The following TMEM135 variants were observed in gnomAD, a reference collection of about 807,000 sequenced individuals.
The protein encoded by TMEM135 is peroxisomal membrane protein 52.
In TMEM135, 30 loss-of-function variants were observed where a neutral mutation model predicts 60.3. That is an observed-to-expected ratio of 0.50 (90% CI 0.37 to 0.68). TMEM135 has a LOEUF of 0.68. Among genes scored for constraint, TMEM135 ranks in the 30% least tolerant of loss-of-function variants. TMEM135 has a pLI of 0.00. For missense variants in TMEM135, 468 were observed against 548.8 expected, an observed-to-expected ratio of 0.85 and a Z score of 1.47; for synonymous variants, 190 against 186.7, an observed-to-expected ratio of 1.02 and a Z score of -0.14.
intron 6 of TMEM135, among the ~76,000 whole-genome samples, chr11:87,263,533 C>T (rs780593165): frequency 1.3e-5 from 2 of 152,056 alleles, no homozygotes; most frequent in African/African-American, 2.4e-5. Context: ...TTGATTCTTA[C>T]GTATTAAAAG....
Position 87,266,776 on chromosome 11 carries a change from G to C in TMEM135, c.510-29006G>C, listed in dbSNP as rs181065278. Among the ~76,000 whole-genome samples the C allele has an allele frequency of 1.2e-4, 18 of 152,286 alleles. No homozygotes were observed. In the East Asian group the frequency reaches 3.5e-3, roughly 29 times the overall value. ...TGAAAGAAAGGATAGAGGGTCAAAG[G>C]CCTGAAGAGAATTTATGTGGTTTGA... On this transcript the variant is annotated intron_variant, in intron 6 of 14. Transcript: ENST00000305494.
chr11:87,194,781 A>G (rs1196357394), intron 5 of TMEM135, among the ~76,000 whole-genome samples: 1 of 152,130 alleles, frequency 6.6e-6, no homozygotes, highest in Non-Finnish European at 1.5e-5. Flanking sequence ...AACTAAATCC[A>G]GTGTACTTAG....
chr11:87,319,817 C>T (rs1012945569), intron 14 of TMEM135, among the ~76,000 whole-genome samples: 2 of 152,102 alleles, frequency 1.3e-5, no homozygotes, highest in African/African-American at 2.4e-5. Flanking sequence ...GTTTTCTCCC[C>T]TGATCTTAAT....
intron 5 of TMEM135, among the ~76,000 whole-genome samples, chr11:87,185,866 T>C (rs1028250061): frequency 6.6e-6 from 1 of 152,146 alleles, no homozygotes; most frequent in Non-Finnish European, 1.5e-5. Flanking sequence ...TAGGAAATCA[T>C]AGATTTAAAC....
At chr11:87,256,970 A>G (rs1299018278) in intron 6 of TMEM135, among the ~76,000 whole-genome samples, 1 of 152,016 alleles carries the variant, frequency 6.6e-6, no homozygotes, top group Admixed American at 6.6e-5. Context: ...CAGCTTCTCA[A>G]ATGAGATTAT....
intron 8 of TMEM135, among the ~76,000 whole-genome samples, chr11:87,304,966 G>A (rs540718099): frequency 1.3e-5 from 2 of 152,292 alleles, no homozygotes; most frequent in South Asian, 4.1e-4. Flanking sequence ...AGTGCATCCT[G>A]AACAGTAGTC....
Position 87,325,453 on chromosome 11 carries a change from G to T in TMEM135, c.*4120G>T. 1 of 453,934 alleles carries T rather than the reference G, an allele frequency of 2.2e-6. No homozygotes were observed. The highest frequency in any genetic ancestry group is 4.4e-6 in the Non-Finnish European group (1 of 226,746). 28.1% of individuals were successfully genotyped at this position (453,934 alleles called of 1,614,324 possible). A position where few individuals can be genotyped will look rare whatever the true frequency, so the allele number is the denominator to read the frequency against. On this transcript the variant is annotated 3_prime_UTR_variant, in exon 15 of 15. Transcript: ENST00000305494. ...GGTTGGAGGAAAGAATTTATATCTGGTCTTTTGGAAATTATTCTGTTGCTG... is the reference window on the plus strand; with the variant it reads ...GGTTGGAGGAAAGAATTTATATCTGTTCTTTTGGAAATTATTCTGTTGCTG...
chr11:87,180,237 C>T (rs1431735065), intron 5 of TMEM135, among the ~76,000 whole-genome samples: 1 of 152,122 alleles, frequency 6.6e-6, no homozygotes, highest in African/African-American at 2.4e-5. Context: ...GCAATGGCAA[C>T]TATGCAGGCA....
At chr11:87,168,712 G>T (rs746297326) in intron 5 of TMEM135, among the ~76,000 whole-genome samples, 1 of 152,096 alleles carries the variant, frequency 6.6e-6, no homozygotes, top group Non-Finnish European at 1.5e-5. Flanking sequence ...GCTGAGGAGT[G>T]TTTTACTTCT....
chr11:87,085,649 C>T (rs555927251), intron 3 of TMEM135, among the ~76,000 whole-genome samples: 121 of 152,086 alleles, frequency 8.0e-4, no homozygotes, highest in South Asian at 2.5e-3. Context: ...GCTGGCTACT[C>T]GGGAGGCTGG....
intron 5 of TMEM135, among the ~76,000 whole-genome samples, chr11:87,191,982 C>CTTTTTTTTTTTTTTT (rs767550753): frequency 1.8e-4 from 17 of 93,986 alleles, no homozygotes; most frequent in Non-Finnish European, 2.2e-4. Context: ...CTTTTCTTTT[C>CTTTTTTTTTTTTTTT]TTTTCTTTTT....
At chr11:87,193,462 A>G (rs1280431861) in intron 5 of TMEM135, among the ~76,000 whole-genome samples, 4 of 151,842 alleles carry the variant, frequency 2.6e-5, no homozygotes, top group South Asian at 2.1e-4. Context: ...TTTCCCATTT[A>G]TTTTTCCCAA....
chr11:87,210,200 C>T (rs1335650857), intron 5 of TMEM135, among the ~76,000 whole-genome samples: 3 of 151,994 alleles, frequency 2.0e-5, no homozygotes, highest in African/African-American at 7.2e-5. Flanking sequence ...TTGTGAAAAT[C>T]CATACAAAAG....
In TMEM135 at chr11:87,309,519, G is replaced by A; in HGVS notation, c.783G>A (p.Met261Ile). 1.2e-6 allele frequency: 2 copies of A among 1,613,710 alleles called. No homozygotes were observed. The highest frequency in any genetic ancestry group is 1.7e-6 in the Non-Finnish European group (2 of 1,179,714). The change falls in exon 10 of 15, where the codon ATG becomes ATA. Residue 261 changes from methionine to isoleucine, a missense_variant. Coordinates refer to ENST00000305494, the MANE Select transcript of TMEM135 (RefSeq NM_022918.4). ...ATTTCCTCTAGGGTTTCATCAGAAT[G>A]TTTAGCGTGGGGTACTTGATCCAGT... The part of the protein sequence containing the change: ...ISYCIKGFIR[M>I]FSVGYLIQCC...
At chr11:87,306,263 A>T (rs116957657) in intron 9 of TMEM135, among the ~76,000 whole-genome samples, 1 of 152,166 alleles carries the variant, frequency 6.6e-6, no homozygotes, top group Non-Finnish European at 1.5e-5. Context: ...ATGATATAGA[A>T]GATAAGATGG....
At chr11:87,125,906 G>C (rs1591038881) in intron 4 of TMEM135, among the ~76,000 whole-genome samples, 3 of 152,260 alleles carry the variant, frequency 2.0e-5, no homozygotes, top group Admixed American at 2.0e-4. Flanking sequence ...GATAAATTCT[G>C]TTTAACTCCT....
chr11:87,046,100 C>A (rs1032765662), intron 1 of TMEM135, among the ~76,000 whole-genome samples: 8 of 152,074 alleles, frequency 5.3e-5, no homozygotes, highest in Non-Finnish European at 7.4e-5. Context: ...GTATATATAA[C>A]TATTAGATTA....
At chr11:87,136,316 T>C (rs914761015) in intron 4 of TMEM135, among the ~76,000 whole-genome samples, 2 of 152,072 alleles carry the variant, frequency 1.3e-5, no homozygotes, top group African/African-American at 2.4e-5. Context: ...TATAGTGAAT[T>C]ACATTGCTTG....
At chr11:87,272,916 C>T (rs180895424) in intron 6 of TMEM135, among the ~76,000 whole-genome samples, 13 of 152,276 alleles carry the variant, frequency 8.5e-5, no homozygotes, top group African/African-American at 3.1e-4. Context: ...TGTCTTAGTA[C>T]ATTAACCATA....
Sources: gnomAD v4.1 joint callset for allele counts (sites outside exome capture counted in the v4.1 genomes callset) on GRCh38, gnomAD v4.1.1 for gene constraint, MANE v1.5 for transcripts, NCBI Gene and HGNC (gene_info 2026-07-23, HGNC 2026-07-21) for gene names.